CHID1: variants seen among roughly 807,000 people sequenced by gnomAD.
The protein encoded by CHID1 is chitinase domain-containing protein 1.
In CHID1, 44 loss-of-function variants were observed where a neutral mutation model predicts 55.4. That is an observed-to-expected ratio of 0.79 (90% CI 0.62 to 1.02). CHID1 has a LOEUF of 1.02. CHID1 is among the 50% of genes least tolerant of loss of function. CHID1 has a pLI of 0.00. For synonymous variants in CHID1, 216 were observed against 212.9 expected, an observed-to-expected ratio of 1.01 and a Z score of -0.13; for missense variants, 491 against 515.3, an observed-to-expected ratio of 0.95 and a Z score of 0.46.
At position 907,325 on chromosome 11, in the gene CHID1, C is replaced by CA. The variant is rs925198765; in HGVS notation, c.-43-2467dup. 5.1e-4 allele frequency among the ~76,000 whole-genome samples: 77 copies of CA among 152,164 alleles called. 1 individual carries two copies. Among genetic ancestry groups the CA allele is most frequent in the African/African-American group, 1.7e-3 (70 of 41,522 alleles). ...TGAAACCCCATCTCTGCTAAAAATA[C>CA]AAAAAATTAGCCAGGCATGGTGGCA... is the stretch of plus-strand genomic sequence containing the variant. On this transcript the variant is annotated intron_variant, in intron 1 of 12. Coordinates refer to ENST00000323578, the MANE Select transcript of CHID1 (RefSeq NM_023947.4).
chr11:878,346 G>A (rs1356889428), intron 10 of CHID1, among the ~76,000 whole-genome samples: 2 of 152,082 alleles, frequency 1.3e-5, no homozygotes, highest in African/African-American at 4.8e-5. Context: ...CCCAGGAGGT[G>A]GAGGCTGCAG....
intron 8 of CHID1, among the ~76,000 whole-genome samples, chr11:892,416 T>A (rs192403276): frequency 6.6e-6 from 1 of 152,142 alleles, no homozygotes; most frequent in African/African-American, 2.4e-5. Flanking sequence ...GCAGAGGGAG[T>A]TCTGTCTGCA....
rs767245236 is a variant in CHID1 at position 869,915 on chromosome 11, A to G, written c.1125T>C (p.Val375=). 33 of 1,612,726 alleles carry G rather than the reference A, an allele frequency of 2.0e-5. No homozygotes were observed. The highest frequency in any genetic ancestry group is 6.7e-5 in the Admixed American group (4 of 60,010). Residue 375 remains valine (V), a synonymous_variant, in exon 13 of 13, where the codon GTT becomes GTC. Transcript: ENST00000323578. ...VRLELARELG[V]GVSIWELGQG... ...GGCCCAGCTCCCAGATAGAGACCCC[A>G]ACGCCCAGCTCCCGGGCCAGCTCCA...
intron 7 of CHID1, among the ~76,000 whole-genome samples, chr11:893,926 G>A (rs763318812): frequency 3.3e-5 from 5 of 151,656 alleles, no homozygotes; most frequent in Non-Finnish European, 5.9e-5. Flanking sequence ...AGGCCAGATC[G>A]GCTTGGCCAA....
intron 8 of CHID1, among the ~76,000 whole-genome samples, chr11:884,893 C>T (rs1375999162): frequency 3.3e-5 from 5 of 152,226 alleles, no homozygotes; most frequent in Admixed American, 2.0e-4. Context: ...TCCTTCCTGA[C>T]CTGGATCCAC....
intron 1 of CHID1, chr11:910,512 A>C: frequency 3.9e-6 from 3 of 763,082 alleles, no homozygotes; most frequent in African/African-American, 2.0e-5. Flanking sequence ...TCCCCCCGAC[A>C]CGCGCCCCCG....
chr11:879,178 G>C (rs1365389018), intron 10 of CHID1, among the ~76,000 whole-genome samples: 1 of 152,170 alleles, frequency 6.6e-6, no homozygotes, highest in Non-Finnish European at 1.5e-5. Context: ...TTTTAGTAGA[G>C]ACGGGGTTTC....
Position 886,136 on chromosome 11 carries a change from G to A in CHID1, c.702-1967C>T, listed in dbSNP as rs537079708. 4.3e-3 allele frequency among the ~76,000 whole-genome samples: 525 copies of A among 123,434 alleles called. 2 individuals carry two copies. The highest frequency in any genetic ancestry group is 7.2e-3 in the Non-Finnish European group (444 of 61,912). 81.0% of individuals were successfully genotyped at this position (123,434 alleles called of 152,430 possible). A position where few individuals can be genotyped will look rare whatever the true frequency, so the allele number is the denominator to read the frequency against. On this transcript the variant is annotated intron_variant, in intron 8 of 12. Transcript: ENST00000323578. ...ACTGCACTCCAGCCTGGGCGACAAA[G>A]CAAGACTCCGTCTCAAAAAAAGAAA...
chr11:885,086 G>A (rs566513634), intron 8 of CHID1, among the ~76,000 whole-genome samples: 26 of 152,346 alleles, frequency 1.7e-4, no homozygotes, highest in African/African-American at 6.3e-4. Flanking sequence ...CATGGGGGAC[G>A]CGGCCGGAGG....
In CHID1 at chr11:867,934, C is replaced by T. The variant is rs1332433023; in HGVS notation, c.*1924G>A. On this transcript the variant is annotated 3_prime_UTR_variant, in exon 13 of 13. Transcript: ENST00000323578. ...CAGGGGTGAGGGTTGTGTGGGGACC[C>T]TGGCCACAGGGATGACGGTCAGTTC... 6.6e-6 allele frequency: 1 copy of T among 152,138 alleles called. No individual in the cohort carries two copies. Among genetic ancestry groups the T allele is most frequent in the East Asian group, 1.9e-4 (1 of 5,186 alleles). 9.4% of individuals were successfully genotyped at this position (152,138 alleles called of 1,614,324 possible).
chr11:887,547 T>A (rs1261736669), intron 8 of CHID1, among the ~76,000 whole-genome samples: 1 of 152,196 alleles, frequency 6.6e-6, no homozygotes, highest in African/African-American at 2.4e-5. Flanking sequence ...GCTTCTGACT[T>A]GGGCCTTTGC....
chr11:885,197 C>A (rs1850303054), intron 8 of CHID1, among the ~76,000 whole-genome samples: 6 of 152,194 alleles, frequency 3.9e-5, no homozygotes, highest in South Asian at 2.1e-4. Flanking sequence ...CACTGGGCTA[C>A]CAAATCTGGA....
At chr11:913,023 A>G (rs1852782787), upstream of CHID1, among the ~76,000 whole-genome samples, 1 of 152,148 alleles carries the variant, frequency 6.6e-6, no homozygotes, top group Admixed American at 6.5e-5. Flanking sequence ...AACATCTAAG[A>G]TAACTTGCAG....
chr11:898,579 C>T (rs1250763340), intron 7 of CHID1, among the ~76,000 whole-genome samples: 1 of 152,234 alleles, frequency 6.6e-6, no homozygotes, highest in Non-Finnish European at 1.5e-5. Flanking sequence ...TTTTGCGGGG[C>T]AGTCGCCCAC....
At chr11:907,332 TTAGCCA>T (rs1327414849) in intron 1 of CHID1, among the ~76,000 whole-genome samples, 1 of 152,058 alleles carries the variant, frequency 6.6e-6, no homozygotes, top group African/African-American at 2.4e-5. Context: ...ATACAAAAAA[TTAGCCA>T]GGCATGGTGG....
At chr11:910,964 G>A (rs1342766517), upstream of CHID1, 2 of 320,060 alleles carry the variant, frequency 6.2e-6, no homozygotes, top group Non-Finnish European at 9.0e-6. Context: ...GCCGGGGCCG[G>A]GGCGGGGCCG....
rs765296392 is a variant in CHID1, at chr11:899,374, C to A, written c.574G>T (p.Glu192Ter). 3 of 1,604,948 alleles carry A rather than the reference C, an allele frequency of 1.9e-6. No individual in the cohort carries two copies. The highest frequency in any genetic ancestry group is 1.3e-5 in the African/African-American group (1 of 74,850). Residue 192 changes from glutamate to a stop codon, truncating the protein, a stop_gained, in exon 7 of 13, where the codon GAG becomes TAG. Coordinates refer to ENST00000323578, the MANE Select transcript of CHID1 (RefSeq NM_023947.4). LOFTEE classifies it high-confidence loss of function. ...KNQHFDGFVVEVWNQLLSQKR... is the reference protein window; with the variant it reads ...KNQHFDGFVV ...TGGCTTAGCAGCTGGTTCCAGACCT[C>A]CACCACGAAGCCATCGAAATGCTGG...
intron 10 of CHID1, among the ~76,000 whole-genome samples, chr11:877,435 T>TG (rs1243958418): frequency 6.6e-6 from 1 of 152,214 alleles, no homozygotes; most frequent in African/African-American, 2.4e-5. Flanking sequence ...TTTGTAATGA[T>TG]GGGGTCTCTC....
chr11:883,386 G>A, intron 9 of CHID1, 83 bp from the exon 10 acceptor site: 1 of 1,371,304 alleles, frequency 7.3e-7, no homozygotes, highest in South Asian at 1.3e-5. Flanking sequence ...ACTGAGGGGT[G>A]CATCCTCCCC....
Sources: allele counts gnomAD v4.1 joint callset (sites outside exome capture counted in the v4.1 genomes callset), GRCh38; gene constraint gnomAD v4.1.1; transcripts MANE v1.5; gene names NCBI Gene and HGNC (gene_info 2026-07-23, HGNC 2026-07-21).